SLIT2: variants seen among roughly 807,000 people sequenced by gnomAD.
SLIT2 encodes the protein slit homolog 2 protein.
A neutral mutation model predicts 185.7 loss-of-function variants in SLIT2; 41 were observed. The observed-to-expected ratio is 0.22, with a 90% CI of 0.17 to 0.29. SLIT2 has a LOEUF of 0.29. Among genes scored for constraint, SLIT2 ranks in the 10% least tolerant of loss-of-function variants. The pLI is 1.00. For synonymous variants in SLIT2, 693 were observed against 680.2 expected, an observed-to-expected ratio of 1.02 and a Z score of -0.29; for missense variants, 1,571 against 1,909.0, an observed-to-expected ratio of 0.82 and a Z score of 3.30.
intron 18 of SLIT2, among the ~76,000 whole-genome samples, chr4:20,534,177 A>G (rs1277775880): frequency 6.6e-6 from 1 of 152,120 alleles, no homozygotes; most frequent in Non-Finnish European, 1.5e-5. Flanking sequence ...TCTTGGCCCA[A>G]TGACTGTAAG....
Position 20,497,357 on chromosome 4 carries a change from C to T in SLIT2, c.914+5458C>T, listed in dbSNP as rs485806. 2.7e-3 allele frequency among the ~76,000 whole-genome samples: 412 copies of T among 152,060 alleles called. 3 individuals carry two copies. The highest frequency in any genetic ancestry group is 9.4e-3 in the African/African-American group (390 of 41,484). On this transcript the variant is annotated intron_variant, in intron 9 of 36. Transcript: ENST00000504154. ...GCTTCAATCATACATTTGCTTGACT[C>T]TCAAGCCCATGGTCCTAACTTGATC...
rs138709783 is a variant in SLIT2, at chr4:20,406,249, C to A, written c.396-61503C>A. On this transcript the variant is annotated intron_variant, in intron 4 of 36. Transcript: ENST00000504154. ...AATAGTTTCCAAATCCTTGGTTAGGCATTATTGTTTTTTATATAAGACATG... is the reference window on the plus strand; with the variant it reads ...AATAGTTTCCAAATCCTTGGTTAGGAATTATTGTTTTTTATATAAGACATG... Among the ~76,000 whole-genome samples, 416 of 144,026 alleles carry A rather than the reference C, an allele frequency of 2.9e-3. 17 individuals carry two copies. Among genetic ancestry groups the A allele is most frequent in the African/African-American group, 1.0e-2 (411 of 41,150 alleles). 94.5% of individuals were successfully genotyped at this position (144,026 alleles called of 152,430 possible). A position where few individuals can be genotyped will look rare whatever the true frequency, so the allele number is the denominator to read the frequency against.
intron 32 of SLIT2, 43 bp from the exon 33 acceptor site, chr4:20,598,222 G>C: frequency 6.2e-7 from 1 of 1,604,154 alleles, no homozygotes; most frequent in Non-Finnish European, 8.5e-7. Context: ...AATACGTTTG[G>C]TTGCGTACAC....
chr4:20,463,515 A>ATATG lies in SLIT2; in HGVS notation c.396-4236_396-4235insATGT, dbSNP rs1553906568. On this transcript the variant is annotated intron_variant, in intron 4 of 36. Transcript: ENST00000504154. ...TATGTGTGTGTGCGTATATCCATAT[A>ATATG]TGTGTGTGTGTGTGTGTGTGTGTGT... 1.6e-4 allele frequency among the ~76,000 whole-genome samples: 18 copies of ATATG among 112,316 alleles called. No individual in the cohort carries two copies. In the East Asian group the frequency reaches 2.1e-3, roughly 13 times the overall value. 73.7% of individuals were successfully genotyped at this position (112,316 alleles called of 152,430 possible).
intron 11 of SLIT2, among the ~76,000 whole-genome samples, chr4:20,511,675 G>A (rs1399932221): frequency 4.1e-5 from 6 of 147,254 alleles, no homozygotes; most frequent in Non-Finnish European, 7.4e-5. Flanking sequence ...TGATCCGCCC[G>A]TCTCGGCCTC....
intron 4 of SLIT2, among the ~76,000 whole-genome samples, chr4:20,433,013 T>C (rs1729101696): frequency 6.6e-6 from 1 of 152,158 alleles, no homozygotes; most frequent in African/African-American, 2.4e-5. Context: ...TAAAAGCTAG[T>C]GCTGTCAACT....
chr4:20,343,440 G>A (rs955633314), intron 4 of SLIT2, among the ~76,000 whole-genome samples: 14 of 151,886 alleles, frequency 9.2e-5, no homozygotes, highest in Admixed American at 9.2e-4. Context: ...ATTCCATTGT[G>A]TATGTATACG....
chr4:20,390,450 G>C (rs1174319487), intron 4 of SLIT2, among the ~76,000 whole-genome samples: 1 of 152,080 alleles, frequency 6.6e-6, no homozygotes, highest in Non-Finnish European at 1.5e-5. Context: ...TAGGATGCAA[G>C]CTGTATAGGC....
intron 4 of SLIT2, among the ~76,000 whole-genome samples, chr4:20,438,524 C>T (rs1202297372): frequency 6.6e-6 from 1 of 152,140 alleles, no homozygotes; most frequent in Non-Finnish European, 1.5e-5. Flanking sequence ...CCCACTGGTT[C>T]CCTCCCATAA....
At chr4:20,523,729 A>G in intron 12 of SLIT2, 31 bp from the exon 13 acceptor site, 1 of 1,603,636 alleles carries the variant, frequency 6.2e-7, no homozygotes, top group African/African-American at 1.3e-5. Context: ...AAGATGCTAC[A>G]CTTTAATTCT....
Position 20,537,948 on chromosome 4 carries a change from T to TA in SLIT2, c.1833-1489dup, listed in dbSNP as rs536799799. Among the ~76,000 whole-genome samples the TA allele has an allele frequency of 1.4e-3, 210 of 152,270 alleles. 2 individuals are homozygous for TA. Among genetic ancestry groups the TA allele is most frequent in the African/African-American group, 4.8e-3 (198 of 41,550 alleles). On this transcript the variant is annotated intron_variant, in intron 18 of 36. Coordinates refer to ENST00000504154, the MANE Select transcript of SLIT2 (RefSeq NM_004787.4). ...ACAGAGATCAAACTTTTCTCTTTTT[T>TA]AAAATTTTTATCTATTTATTTATTT...
At chr4:20,401,186 A>G (rs1726328856) in intron 4 of SLIT2, among the ~76,000 whole-genome samples, 1 of 151,876 alleles carries the variant, frequency 6.6e-6, no homozygotes, top group Non-Finnish European at 1.5e-5. Context: ...AGTTGTTGGT[A>G]AAAGGTGAAT....
chr4:20,482,209 A>G (rs1267460634), intron 6 of SLIT2, among the ~76,000 whole-genome samples: 1 of 152,010 alleles, frequency 6.6e-6, no homozygotes, highest in African/African-American at 2.4e-5. Flanking sequence ...CCAAAAATGT[A>G]TTATTAAACC....
intron 4 of SLIT2, among the ~76,000 whole-genome samples, chr4:20,414,916 A>G (rs952468776): frequency 5.9e-5 from 9 of 152,158 alleles, no homozygotes; most frequent in East Asian, 1.9e-4. Flanking sequence ...TATATTTTTC[A>G]TCAAATTTTG....
intron 4 of SLIT2, among the ~76,000 whole-genome samples, chr4:20,339,142 A>G (rs1720758960): frequency 6.6e-6 from 1 of 151,968 alleles, no homozygotes; most frequent in Non-Finnish European, 1.5e-5. Context: ...AAATATTTAG[A>G]AAAAAATCAC....
Position 20,589,650 on chromosome 4 carries a change from T to C in SLIT2, c.3095T>C (p.Leu1032Ser), listed in dbSNP as rs768269055. 24 of 1,613,636 alleles carry C rather than the reference T, an allele frequency of 1.5e-5. No individual in the cohort carries two copies. Among genetic ancestry groups the C allele is most frequent in the Admixed American group, 1.2e-4 (7 of 59,994 alleles). The change falls in exon 30 of 37, where the codon TTG (leucine) becomes TCG (serine). Residue 1032 changes from leucine to serine, a missense_variant. Around this residue, in one of 3 missense-constraint regions of SLIT2, gnomAD observed 1,202 missense variants for 1,416.4 expected, o/e 0.85. Coordinates refer to ENST00000504154, the MANE Select transcript of SLIT2 (RefSeq NM_004787.4). ...CLCPPEYTGE[L>S]CEEKLDFCAQ... is the part of the protein sequence containing the mutation. ...ACTGTTTGCCCTGTTGCAGGTGAGT[T>C]GTGTGAGGAGAAGCTGGACTTCTGT...
rs184038692 is a variant in SLIT2 at position 20,529,895 on chromosome 4, G to A, written c.1613+796G>A. Among the ~76,000 whole-genome samples, 459 of 152,178 alleles carry A rather than the reference G, an allele frequency of 3.0e-3. 1 individual carries two copies. The highest frequency in any genetic ancestry group is 0.01 in the African/African-American group (435 of 41,522). On this transcript the variant is annotated intron_variant, in intron 16 of 36. Transcript: ENST00000504154. ...TGTCATTTACTGCTTTGCAAAGTTC[G>A]TTGTCTGTTTGTTTGTATATAATCC...
Position 20,253,139 on chromosome 4 carries a change from C to G in SLIT2, c.-677C>G, listed in dbSNP as rs1722170393. ...GTTGGCTGTCGGGAGACCGCGAGGACCGGTCCAGGCTGCGGCGGAGTCGAG... is the reference window on the plus strand; with the variant it reads ...GTTGGCTGTCGGGAGACCGCGAGGAGCGGTCCAGGCTGCGGCGGAGTCGAG... On this transcript the variant is annotated 5_prime_UTR_variant, in exon 1 of 37. Coordinates refer to ENST00000504154, the MANE Select transcript of SLIT2 (RefSeq NM_004787.4). 1 of 153,642 alleles carries G rather than the reference C, an allele frequency of 6.5e-6. No individual in the cohort carries two copies. Among genetic ancestry groups the G allele is most frequent in the South Asian group, 2.1e-4 (1 of 4,876 alleles). The allele number at this position is 153,642 out of a possible 1,614,324, so 9.5% of individuals were successfully genotyped here.
At chr4:20,512,453 G>A in intron 11 of SLIT2, among the ~76,000 whole-genome samples, 1 of 152,142 alleles carries the variant, frequency 6.6e-6, no homozygotes, top group East Asian at 1.9e-4. Flanking sequence ...ATCTGCTTGG[G>A]TTCACTTTTG....
Sources: gnomAD v4.1 joint callset for allele counts (sites outside exome capture counted in the v4.1 genomes callset) on GRCh38, gnomAD v4.1.1 for gene constraint, gnomAD v4.1.1 regional missense constraint, MANE v1.5 for transcripts, NCBI Gene and HGNC (gene_info 2026-07-23, HGNC 2026-07-21) for gene names.